Variants in SERPINE2 observed in about 807,000 individuals in gnomAD.
SERPINE2 encodes the protein serpin family E member 2.
A neutral mutation model predicts 36.3 loss-of-function variants in SERPINE2; 14 were observed. That is an observed-to-expected ratio of 0.39 (90% CI 0.25 to 0.60). The LOEUF is 0.60. SERPINE2 is among the 20% of genes least tolerant of loss of function. The pLI is 0.57. For synonymous variants in SERPINE2, 192 were observed against 191.8 expected, an observed-to-expected ratio of 1.00 and a Z score of -0.01; for missense variants, 418 against 499.6, an observed-to-expected ratio of 0.84 and a Z score of 1.56.
rs548223503 is a variant in SERPINE2, at chr2:223,993,771, G to A, written c.488-1771C>T. 6.6e-5 allele frequency among the ~76,000 whole-genome samples: 10 copies of A among 152,220 alleles called. No individual in the cohort carries two copies. The East Asian group carries it at 1.2e-3, about 18-fold the overall frequency. On this transcript the variant is annotated intron_variant, in intron 3 of 8. Transcript: ENST00000409304. ...AATAAACACTGAAGTTTCCCACAGC[G>A]TGCTGCTAAGACAGTTCCATCACCA...
chr2:224,036,655 A>AC (rs2106208207), intron 1 of SERPINE2, among the ~76,000 whole-genome samples: 1 of 151,526 alleles, frequency 6.6e-6, no homozygotes, highest in South Asian at 2.1e-4. Flanking sequence ...AAAAAAAAAA[A>AC]AAAGATTGCT....
chr2:224,008,448 T>C (rs960326057), intron 1 of SERPINE2, among the ~76,000 whole-genome samples: 4 of 152,226 alleles, frequency 2.6e-5, no homozygotes, highest in Middle Eastern at 3.4e-3. Flanking sequence ...TCAAAATAGG[T>C]TGATTGACCA....
chr2:224,037,389 T>C (rs187722056), intron 1 of SERPINE2, among the ~76,000 whole-genome samples: 186 of 152,150 alleles, frequency 1.2e-3, no homozygotes, highest in Middle Eastern at 0.01. Flanking sequence ...AGCTTGCGGG[T>C]TGGAGGCACT....
intron 1 of SERPINE2, chr2:224,031,007 T>C: frequency 2.0e-6 from 2 of 985,442 alleles, no homozygotes; most frequent in Non-Finnish European, 2.4e-6. Flanking sequence ...CTGTATCATG[T>C]GTTTTGGTTG....
At chr2:224,021,414 T>G (rs1489016639) in intron 1 of SERPINE2, among the ~76,000 whole-genome samples, 1 of 151,788 alleles carries the variant, frequency 6.6e-6, no homozygotes, top group Non-Finnish European at 1.5e-5. Context: ...AGCACAAGAG[T>G]AGAAGCTTCA....
At chr2:223,996,597 T>C (rs1183742581) in intron 3 of SERPINE2, among the ~76,000 whole-genome samples, 3 of 152,152 alleles carry the variant, frequency 2.0e-5, no homozygotes, top group African/African-American at 4.8e-5. Context: ...TGCCAGCCAC[T>C]CCCTCGGCGA....
intron 4 of SERPINE2, among the ~76,000 whole-genome samples, chr2:223,991,131 G>A (rs529393696): frequency 1.3e-5 from 2 of 152,176 alleles, no homozygotes; most frequent in Admixed American, 6.5e-5. Flanking sequence ...TTTATATCTC[G>A]TTTTCTGAAA....
chr2:224,019,075 G>C (rs1014082133), intron 1 of SERPINE2, among the ~76,000 whole-genome samples: 1 of 152,146 alleles, frequency 6.6e-6, no homozygotes, highest in Non-Finnish European at 1.5e-5. Context: ...TCCACAGACA[G>C]GAGGCCCCCT....
At chr2:224,019,769 A>ATTTTT (rs1559216905) in intron 1 of SERPINE2, among the ~76,000 whole-genome samples, 876 of 8,066 alleles carry the variant, frequency 0.11, 6 homozygotes, top group Non-Finnish European at 0.23. Flanking sequence ...TTTTTTTAAA[A>ATTTTT]AAAAAAAAAG....
intron 3 of SERPINE2, among the ~76,000 whole-genome samples, chr2:223,993,879 T>C (rs145003483): frequency 2.2e-4 from 33 of 152,282 alleles, no homozygotes; most frequent in African/African-American, 7.0e-4. Flanking sequence ...ACAGACATCA[T>C]TCAACTCAAC....
chr2:224,002,462 T>G (rs1691218900), intron 1 of SERPINE2, among the ~76,000 whole-genome samples: 1 of 152,212 alleles, frequency 6.6e-6, no homozygotes, highest in East Asian at 1.9e-4. Flanking sequence ...GGTCCTATAC[T>G]AATCATTATT....
chr2:224,020,002 G>C (rs1238692144), intron 1 of SERPINE2, among the ~76,000 whole-genome samples: 1 of 152,088 alleles, frequency 6.6e-6, no homozygotes, highest in African/African-American at 2.4e-5. Context: ...GATCACCCCT[G>C]GTTGGCAACC....
chr2:224,027,617 TA>T (rs907524801), intron 1 of SERPINE2, among the ~76,000 whole-genome samples: 61 of 152,108 alleles, frequency 4.0e-4, no homozygotes, highest in Middle Eastern at 3.4e-3. Context: ...ACCATGATAA[TA>T]AAAAAAACTG....
At chr2:224,016,306 G>A (rs1411738230) in intron 1 of SERPINE2, among the ~76,000 whole-genome samples, 2 of 152,156 alleles carry the variant, frequency 1.3e-5, no homozygotes, top group African/African-American at 2.4e-5. Flanking sequence ...ATGAGTTCAA[G>A]ACCAGCCTCA....
At chr2:224,030,245 G>A in intron 1 of SERPINE2, 9 of 985,196 alleles carry the variant, frequency 9.1e-6, no homozygotes, top group African/African-American at 1.7e-5. Context: ...TCATTGGGGA[G>A]TACTGCCCAC....
At chr2:224,005,053 A>ATATTATATAT (rs1691344808) in intron 1 of SERPINE2, among the ~76,000 whole-genome samples, 30 of 22,614 alleles carry the variant, frequency 1.3e-3, no homozygotes, top group Non-Finnish European at 2.8e-3. Flanking sequence ...TATTTTATAT[A>ATATTATATAT]TTTTATATAT....
chr2:223,980,694 A>G (rs980813996), intron 6 of SERPINE2: 2 of 242,216 alleles, frequency 8.3e-6, no homozygotes, highest in African/African-American at 4.5e-5. Context: ...AAATGAAAAG[A>G]GCAGAGCTTT....
chr2:224,006,041 A>G (rs1371301361), intron 1 of SERPINE2, among the ~76,000 whole-genome samples: 1 of 152,236 alleles, frequency 6.6e-6, no homozygotes, highest in African/African-American at 2.4e-5. Flanking sequence ...GATTTAACGT[A>G]GTAAATAATG....
Position 223,991,846 on chromosome 2 carries a change from G to C in SERPINE2, c.642C>G (p.Ser214=), listed in dbSNP as rs1350314958. 6.2e-7 allele frequency: 1 copy of C among 1,613,342 alleles called. No homozygotes were observed. Among genetic ancestry groups the C allele is most frequent in the Non-Finnish European group, 8.5e-7 (1 of 1,179,884 alleles). ...KRTFVAADGK[S]YQVPMLAQLS... The stretch of plus-strand genomic sequence containing the variant: ...GCTGGGCCAGCATTGGCACTTGATA[G>C]GATTTCCCGTCGGCTGCCACGAAAG... The change falls in exon 4 of 9, where the codon TCC becomes TCG. Residue 214 remains serine (S), a synonymous_variant. Coordinates refer to ENST00000409304, the MANE Select transcript of SERPINE2 (RefSeq NM_001136528.2).
Sources: gnomAD v4.1 joint callset for allele counts (sites outside exome capture counted in the v4.1 genomes callset) on GRCh38, gnomAD v4.1.1 for gene constraint, MANE v1.5 for transcripts, NCBI Gene and HGNC (gene_info 2026-07-23, HGNC 2026-07-21) for gene names.